Variants in SKAP2 observed in about 807,000 individuals in gnomAD.
SKAP2 encodes the protein src kinase associated phosphoprotein 2, also known as src kinase-associated phosphoprotein 2.
SKAP2 carries 28 observed loss-of-function variants against 54.9 expected under a neutral mutation model. The observed-to-expected ratio is 0.51, with a 90% confidence interval of 0.38 to 0.70. The LOEUF (loss-of-function observed/expected upper bound fraction) is 0.70. Ranked by LOEUF, SKAP2 falls within the 30% of genes least tolerant of loss-of-function variation. The pLI is 0.00. For synonymous variants in SKAP2, 137 were observed against 134.3 expected (o/e 1.02, Z -0.14); for missense variants, 356 against 424.1 (o/e 0.84, Z 1.41).
chr7:26,835,374 G>C (rs1584417955), intron 4 of SKAP2, among the ~76,000 whole-genome samples: 1 of 152,152 alleles, frequency 6.6e-6, no homozygotes, highest in Admixed American at 6.5e-5. Context: ...AAGAAATAAG[G>C]GTATTCAAAC....
intron 4 of SKAP2, among the ~76,000 whole-genome samples, chr7:26,830,027 T>C (rs1784567756): frequency 6.6e-6 from 1 of 151,844 alleles, no homozygotes; most frequent in Non-Finnish European, 1.5e-5. Context: ...GAACAAAAGG[T>C]GGCACATCCA....
At chr7:26,677,832 T>C (rs978927787) in intron 11 of SKAP2, among the ~76,000 whole-genome samples, 2 of 152,242 alleles carry the variant, frequency 1.3e-5, no homozygotes, top group African/African-American at 4.8e-5. Flanking sequence ...CAAATATTTG[T>C]TGATTAGAAA....
intron 4 of SKAP2, among the ~76,000 whole-genome samples, chr7:26,788,333 ACCTTTC>A (rs1284182905): frequency 6.6e-6 from 1 of 152,054 alleles, no homozygotes; most frequent in Non-Finnish European, 1.5e-5. Flanking sequence ...AAGCCAAAGA[ACCTTTC>A]TATCCCTTCA....
chr7:26,712,302 T>C (rs1341044416), intron 9 of SKAP2, among the ~76,000 whole-genome samples: 3 of 152,222 alleles, frequency 2.0e-5, no homozygotes, highest in Non-Finnish European at 4.4e-5. Flanking sequence ...TTAGGAATAT[T>C]CAATCTGTAA....
At chr7:26,830,818 C>T (rs1475068304) in intron 4 of SKAP2, among the ~76,000 whole-genome samples, 1 of 152,136 alleles carries the variant, frequency 6.6e-6, no homozygotes, top group Non-Finnish European at 1.5e-5. Context: ...ATGGTACCTT[C>T]TCTGTGTTTA....
intron 9 of SKAP2, among the ~76,000 whole-genome samples, chr7:26,693,358 C>T (rs1462630601): frequency 6.9e-6 from 1 of 145,464 alleles, no homozygotes; most frequent in Non-Finnish European, 1.5e-5. Flanking sequence ...AAAAAAGAGA[C>T]TGTGGGATTT....
At chr7:26,735,743 T>A (rs1787916964) in intron 6 of SKAP2, among the ~76,000 whole-genome samples, 1 of 152,116 alleles carries the variant, frequency 6.6e-6, no homozygotes, top group Non-Finnish European at 1.5e-5. Context: ...AACAAGGCTA[T>A]AAAAAATCAT....
chr7:26,789,048 T>A (rs1328620828), intron 4 of SKAP2, among the ~76,000 whole-genome samples: 3 of 152,194 alleles, frequency 2.0e-5, no homozygotes, highest in Non-Finnish European at 4.4e-5. Context: ...TAGTTAAGTA[T>A]CACTAGCAAA....
chr7:26,674,018 T>C (rs1361599581), intron 11 of SKAP2, among the ~76,000 whole-genome samples: 1 of 152,156 alleles, frequency 6.6e-6, no homozygotes, highest in East Asian at 1.9e-4. Context: ...ATCGAGTATG[T>C]TAATCCGCTT....
chr7:26,662,472 G>C (rs1786028539), downstream of SKAP2, among the ~76,000 whole-genome samples: 1 of 152,068 alleles, frequency 6.6e-6, no homozygotes, highest in Admixed American at 6.6e-5. Context: ...CCAAGGTAAG[G>C]TTATGTGGGG....
chr7:26,766,144 C>T (rs564263166), intron 4 of SKAP2, among the ~76,000 whole-genome samples: 104 of 152,290 alleles, frequency 6.8e-4, no homozygotes, highest in African/African-American at 2.4e-3. Flanking sequence ...TGTCTTATTT[C>T]CTTGAGCAGT....
At chr7:26,844,393 T>G (rs1784883179) in intron 3 of SKAP2, among the ~76,000 whole-genome samples, 1 of 152,066 alleles carries the variant, frequency 6.6e-6, no homozygotes, top group Admixed American at 6.6e-5. Flanking sequence ...CACAAAAGGA[T>G]ATAGTCCAAA....
intron 4 of SKAP2, among the ~76,000 whole-genome samples, chr7:26,824,608 T>C (rs1384474614): frequency 6.6e-6 from 1 of 152,150 alleles, no homozygotes; most frequent in Non-Finnish European, 1.5e-5. Flanking sequence ...CATCAGTGAG[T>C]TGTGTATCTA....
At chr7:26,783,703 T>C (rs1183379517) in intron 4 of SKAP2, among the ~76,000 whole-genome samples, 2 of 152,134 alleles carry the variant, frequency 1.3e-5, no homozygotes, top group Admixed American at 1.3e-4. Flanking sequence ...GACATCATGT[T>C]GGTTGCTAAA....
chr7:26,737,464 A>T (rs1464445249), intron 6 of SKAP2, among the ~76,000 whole-genome samples: 3 of 152,232 alleles, frequency 2.0e-5, no homozygotes, highest in Non-Finnish European at 2.9e-5. Context: ...AAAGGTAAGA[A>T]CAACTTCCAG....
chr7:26,769,031 G>A (rs1175670281), intron 4 of SKAP2, among the ~76,000 whole-genome samples: 1 of 152,122 alleles, frequency 6.6e-6, no homozygotes, highest in Non-Finnish European at 1.5e-5. Context: ...AGTTCTCCTG[G>A]ATAATATCCT....
At chr7:26,684,530 T>G (rs1303157027) in intron 11 of SKAP2, among the ~76,000 whole-genome samples, 1 of 152,210 alleles carries the variant, frequency 6.6e-6, no homozygotes, top group Non-Finnish European at 1.5e-5. Context: ...AACACACTGT[T>G]AAGTTGAATC....
At chr7:26,768,743 G>A (rs1184174257) in intron 4 of SKAP2, among the ~76,000 whole-genome samples, 2 of 152,092 alleles carry the variant, frequency 1.3e-5, no homozygotes, top group Admixed American at 1.3e-4. Flanking sequence ...ATGAAATTCT[G>A]GGTTGAAAAT....
intron 4 of SKAP2, among the ~76,000 whole-genome samples, chr7:26,770,487 G>C (rs768062490): frequency 5.3e-5 from 8 of 152,098 alleles, no homozygotes; most frequent in Non-Finnish European, 1.0e-4. Context: ...TGGTGTTCCA[G>C]GTGCCACTGG....
Sources: allele counts gnomAD v4.1 joint callset (sites outside exome capture counted in the v4.1 genomes callset), GRCh38; gene constraint gnomAD v4.1.1; transcripts MANE v1.5; gene names NCBI Gene and HGNC (gene_info 2026-07-23, HGNC 2026-07-21).